The following ZNF8 variants were observed in gnomAD, a reference collection of about 807,000 sequenced individuals.
ZNF8 encodes zinc finger protein 8.
A neutral mutation model predicts 12.2 loss-of-function variants in ZNF8; 9 were observed. The observed-to-expected ratio is 0.73, with a 90% CI of 0.44 to 1.28. ZNF8 has a LOEUF of 1.28. ZNF8 is among the 50% of genes most tolerant of loss of function. The probability of loss-of-function intolerance (pLI) is 0.00; values close to 1 mark genes in which losing one functional copy is unlikely to be tolerated. For synonymous variants in ZNF8, 274 were observed against 282.3 expected, an observed-to-expected ratio of 0.97 and a Z score of 0.30; for missense variants, 664 against 729.1, an observed-to-expected ratio of 0.91 and a Z score of 1.03.
At chr19:58,287,777 C>T (rs2051392787) in intron 3 of ZNF8, among the ~76,000 whole-genome samples, 1 of 150,482 alleles carries the variant, frequency 6.6e-6, no homozygotes. Flanking sequence ...AGGTGTGTAC[C>T]ACCATGTCCA....
rs751486543 is a variant in ZNF8, at chr19:58,294,449, C to T, written c.641C>T (p.Ser214Phe). The part of the protein sequence containing the change: ...DSQITDSEHN[S>F]SLVSQQTGSP... ...CAGATTACAGACTCAGAACATAACT[C>T]CAGCTTAGTCAGTCAGCAGACAGGC... The change falls in exon 4 of 4, where the codon TCC (serine) becomes TTC (phenylalanine). Residue 214 changes from serine (S) to phenylalanine (F), a missense_variant. Coordinates refer to ENST00000621650, the MANE Select transcript of ZNF8 (RefSeq NM_021089.3). The surrounding 1 kb of genome is among the most constrained non-coding windows in gnomAD (Gnocchi z 5.5). The T allele has an allele frequency of 5.0e-6, 8 of 1,614,108 alleles. No individual in the cohort carries two copies. In the Admixed American group the frequency reaches 1.2e-4, roughly 24 times the overall value.
intron 3 of ZNF8, among the ~76,000 whole-genome samples, chr19:58,293,549 A>T (rs980568463): frequency 1.3e-5 from 2 of 152,178 alleles, no homozygotes; most frequent in African/African-American, 4.8e-5. Flanking sequence ...GGCTTATAAC[A>T]GAGTCCCTGT....
rs2051471245 is a variant in ZNF8 at position 58,298,535 on chromosome 19, G to A, written c.*2999G>A. ...AGATGGGGTTTTACCATGTTGGCCA[G>A]GCTGGTCTCAAACTCATGACCTCAA... is the stretch of plus-strand genomic sequence containing the variant. On this transcript the variant is annotated 3_prime_UTR_variant, in exon 4 of 4. Transcript: ENST00000621650. The A allele has an allele frequency of 6.6e-6, 1 of 151,586 alleles. No homozygotes were observed. The highest frequency in any genetic ancestry group is 2.4e-5 in the African/African-American group (1 of 41,192). The allele number at this position is 151,586 out of a possible 1,614,324, so 9.4% of individuals were successfully genotyped here.
At position 58,295,322 on chromosome 19, in the gene ZNF8, C is replaced by A; in HGVS notation, c.1514C>A (p.Ser505Tyr). 1.9e-6 allele frequency: 3 copies of A among 1,614,208 alleles called. No homozygotes were observed. The highest frequency in any genetic ancestry group is 2.5e-6 in the Non-Finnish European group (3 of 1,180,020). ...GGGCGAAGCCGGCGGCGTGAACAAT[C>A]CTCGAGCAGGAACTCACACCTGGTT... ...PHGRSRRREQ[S>Y]SSRNSHLVQH... Residue 505 changes from serine (S) to tyrosine (Y), a missense_variant, in exon 4 of 4, where the codon TCC (serine) becomes TAC (tyrosine). Around this residue, in one of 3 missense-constraint regions of ZNF8, gnomAD observed 225 missense variants for 222.0 expected, o/e 1.01. Coordinates refer to ENST00000621650, the MANE Select transcript of ZNF8 (RefSeq NM_021089.3).
In ZNF8 at chr19:58,298,058, C is replaced by T; in HGVS notation, c.*2522C>T. 1 of 150,340 alleles carries T rather than the reference C, an allele frequency of 6.7e-6. No individual in the cohort carries two copies. The allele number at this position is 150,340 out of a possible 1,614,324, so 9.3% of individuals were successfully genotyped here. On this transcript the variant is annotated 3_prime_UTR_variant, in exon 4 of 4. Transcript: ENST00000621650. ...TTTTTTTTTTCTTTTGAGACGGAGTCTCGCTCTGTCGCCCAGGCTGGAGTG... is the reference window on the plus strand; with the variant it reads ...TTTTTTTTTTCTTTTGAGACGGAGTTTCGCTCTGTCGCCCAGGCTGGAGTG...
rs1203043132 is a variant in ZNF8, at chr19:58,302,504, A to C, written c.*6968A>C. 1 of 152,212 alleles carries C rather than the reference A, an allele frequency of 6.6e-6. No homozygotes were observed. Among genetic ancestry groups the C allele is most frequent in the Non-Finnish European group, 1.5e-5 (1 of 68,034 alleles). 9.4% of individuals were successfully genotyped at this position (152,212 alleles called of 1,614,324 possible). A position where few individuals can be genotyped will look rare whatever the true frequency, so the allele number is the denominator to read the frequency against. On this transcript the variant is annotated 3_prime_UTR_variant, in exon 4 of 4. Coordinates refer to ENST00000621650, the MANE Select transcript of ZNF8 (RefSeq NM_021089.3). ...TGTTTAGAAATTTGGAATCCCTTCT[A>C]GTTGTCTTGTAACATGTGCTTACTC...
rs67853886 is a variant in ZNF8 at position 58,285,157 on chromosome 19, G to GTT, written c.67-549_67-548dup. 2.3e-3 allele frequency among the ~76,000 whole-genome samples: 329 copies of GTT among 145,120 alleles called. 2 individuals are homozygous for GTT. The highest frequency in any genetic ancestry group is 0.016 in the East Asian group (81 of 4,920). ...GGAAGGATGGTGAACCTGTTTTTTT[G>GTT]TTTTTTTTTTTTGAGATGGAGTCTC... On this transcript the variant is annotated intron_variant, in intron 1 of 3. Transcript: ENST00000621650.
At chr19:58,279,861 T>G in intron 1 of ZNF8, 1 of 1,277,808 alleles carries the variant, frequency 7.8e-7, no homozygotes, top group Non-Finnish European at 1.0e-6. Context: ...CCTCAAGCTC[T>G]GCAACTTTGA....
chr19:58,291,591 CTGCTGTTTG>C (rs1298989426), intron 3 of ZNF8, among the ~76,000 whole-genome samples: 1 of 152,206 alleles, frequency 6.6e-6, no homozygotes. Flanking sequence ...CTGCCATGTG[CTGCTGTTTG>C]TGCTGTGGAT....
chr19:58,285,206 C>T (rs2051375768), intron 1 of ZNF8, among the ~76,000 whole-genome samples: 1 of 150,282 alleles, frequency 6.7e-6, no homozygotes, highest in African/African-American at 2.5e-5. Context: ...AGCTGGAGTG[C>T]AGTGGTGTCT....
rs949768983 is a variant in ZNF8, at chr19:58,279,051, T to C, written c.-31T>C. ...GTGCCTCTCTGGTCTGGGGATCACC[T>C]CAGGCGCTGTCCTTCACTGGGCGAT... On this transcript the variant is annotated 5_prime_UTR_variant, in exon 1 of 4. Coordinates refer to ENST00000621650, the MANE Select transcript of ZNF8 (RefSeq NM_021089.3). 6.9e-7 allele frequency: 1 copy of C among 1,447,356 alleles called. No individual in the cohort carries two copies. The highest frequency in any genetic ancestry group is 9.2e-7 in the Non-Finnish European group (1 of 1,091,938). The allele number at this position is 1,447,356 out of a possible 1,614,324, so 89.7% of individuals were successfully genotyped here.
rs999609952 is a variant in ZNF8 at position 58,295,867 on chromosome 19, A to G, written c.*331A>G. The G allele has an allele frequency of 7.5e-6, 2 of 266,628 alleles. No individual in the cohort carries two copies. Among genetic ancestry groups the G allele is most frequent in the Admixed American group, 5.0e-5 (1 of 20,154 alleles). The allele number at this position is 266,628 out of a possible 1,614,324, so 16.5% of individuals were successfully genotyped here. A position where few individuals can be genotyped will look rare whatever the true frequency, so the allele number is the denominator to read the frequency against. On this transcript the variant is annotated 3_prime_UTR_variant, in exon 4 of 4. Coordinates refer to ENST00000621650, the MANE Select transcript of ZNF8 (RefSeq NM_021089.3). ...TTAAAATGAAAGTAATTTATGGTAGAGTAAATTGTAGAGTAACGTGTACTG... is the reference window on the plus strand; with the variant it reads ...TTAAAATGAAAGTAATTTATGGTAGGGTAAATTGTAGAGTAACGTGTACTG...
chr19:58,289,724 T>C (rs2051405421), intron 3 of ZNF8, among the ~76,000 whole-genome samples: 1 of 152,016 alleles, frequency 6.6e-6, no homozygotes, highest in Non-Finnish European at 1.5e-5. Flanking sequence ...CTTCCCTGAC[T>C]CAGACCCTTC....
intron 1 of ZNF8, among the ~76,000 whole-genome samples, chr19:58,285,424 C>A (rs2051377077): frequency 6.6e-6 from 1 of 152,134 alleles, no homozygotes; most frequent in African/African-American, 2.4e-5. Flanking sequence ...CACAAACCTG[C>A]AAATAAGTGG....
chr19:58,289,551 G>T (rs556487007), intron 3 of ZNF8, among the ~76,000 whole-genome samples: 24 of 151,552 alleles, frequency 1.6e-4, no homozygotes, highest in African/African-American at 5.3e-4. Context: ...GTGGAGGTCA[G>T]AAGTTCAAAA....
chr19:58,279,488 C>G, intron 1 of ZNF8: 2 of 1,476,932 alleles, frequency 1.4e-6, no homozygotes, highest in Non-Finnish European at 1.8e-6. Flanking sequence ...GGTCTGTCCT[C>G]GTGTTGACTG....
Position 58,294,353 on chromosome 19 carries a change from G to T in ZNF8, c.545G>T (p.Cys182Phe). 6.2e-7 allele frequency: 1 copy of T among 1,614,136 alleles called. No homozygotes were observed. Among genetic ancestry groups the T allele is most frequent in the Non-Finnish European group, 8.5e-7 (1 of 1,180,046 alleles). ...AAAACTCTCAGACTCAGGGAAAACT[G>T]CGTCCTGAGTTCAAGCCCAAATCCA... ...GYKTLRLREN[C>F]VLSSSPNPFP... The change falls in exon 4 of 4, where the codon TGC becomes TTC. Residue 182 changes from cysteine to phenylalanine, a missense_variant. Cys to Phe is a radical substitution (Grantham distance 205). Coordinates refer to ENST00000621650, the MANE Select transcript of ZNF8 (RefSeq NM_021089.3). This position sits in a 1 kb window ranked among gnomAD's most constrained non-coding sequence, Gnocchi z 5.5.
rs2051491796 is a variant in ZNF8 at position 58,301,604 on chromosome 19, T to C, written c.*6068T>C. 1 of 152,374 alleles carries C rather than the reference T, an allele frequency of 6.6e-6. No homozygotes were observed. The highest frequency in any genetic ancestry group is 2.4e-5 in the African/African-American group (1 of 41,458). The allele number at this position is 152,374 out of a possible 1,614,324, so 9.4% of individuals were successfully genotyped here. ...ACAGCTCTGGAAGTCAGGCCTGTGA[T>C]TGCCTCATTCCCTCCACCTTGGCCC... is the stretch of plus-strand genomic sequence containing the variant. On this transcript the variant is annotated 3_prime_UTR_variant, in exon 4 of 4. Transcript: ENST00000621650.
chr19:58,294,421 T>G lies in ZNF8; in HGVS notation c.613T>G (p.Ser205Ala), dbSNP rs760882804. ...AGGGGAGTATTTGTATACTTACGAC[T>G]CACAGATTACAGACTCAGAACATAA... ...SRGEYLYTYD[S>A]QITDSEHNSS... Residue 205 changes from serine to alanine, a missense_variant, in exon 4 of 4, where the codon TCA (serine) becomes GCA (alanine). Ser to Ala is a moderately conservative substitution (Grantham distance 99). Coordinates refer to ENST00000621650, the MANE Select transcript of ZNF8 (RefSeq NM_021089.3). The surrounding 1 kb of genome is among the most constrained non-coding windows in gnomAD (Gnocchi z 5.5). 8.1e-6 allele frequency: 13 copies of G among 1,614,106 alleles called. No individual in the cohort carries two copies. The highest frequency in any genetic ancestry group is 1.1e-5 in the Non-Finnish European group (13 of 1,180,044).
Sources: gnomAD v4.1 joint callset for allele counts (sites outside exome capture counted in the v4.1 genomes callset) on GRCh38, gnomAD v4.1.1 for gene constraint, gnomAD v4.1.1 regional missense constraint, Gnocchi (gnomAD v3.1) non-coding constraint, MANE v1.5 for transcripts, NCBI Gene and HGNC (gene_info 2026-07-23, HGNC 2026-07-21) for gene names.